The following MLLT3 variants were observed in gnomAD, a reference collection of about 807,000 sequenced individuals.
MLLT3 encodes MLLT3 super elongation complex subunit.
In MLLT3, 4 loss-of-function variants were observed where a neutral mutation model predicts 53.2. That is an observed-to-expected ratio of 0.08 (90% CI 0.04 to 0.17). MLLT3 has a LOEUF of 0.17. Among genes scored for constraint, MLLT3 ranks in the 10% least tolerant of loss-of-function variants. MLLT3 has a pLI of 1.00. For missense variants in MLLT3, 569 were observed against 684.0 expected (o/e 0.83, Z 1.87); for synonymous variants, 283 against 230.6 (o/e 1.23, Z -2.06).
At chr9:20,470,595 C>T (rs1824366454) in intron 2 of MLLT3, among the ~76,000 whole-genome samples, 1 of 151,940 alleles carries the variant, frequency 6.6e-6, no homozygotes, top group South Asian at 2.1e-4. Flanking sequence ...CTTTACCTAC[C>T]TTATCAATTC....
intron 2 of MLLT3, among the ~76,000 whole-genome samples, chr9:20,549,942 C>T (rs1000488761): frequency 6.6e-6 from 1 of 152,206 alleles, no homozygotes; most frequent in African/African-American, 2.4e-5. Flanking sequence ...CTCCCCTCTG[C>T]ACCTCAAGAA....
At chr9:20,359,163 AAAAAAAAAAAAAT>A (rs1346877860) in intron 8 of MLLT3, among the ~76,000 whole-genome samples, 3 of 151,012 alleles carry the variant, frequency 2.0e-5, no homozygotes, top group African/African-American at 7.3e-5. Context: ...AAAAAAAAAA[AAAAAAAAAAAAAT>A]CTCACCAAGG....
chr9:20,522,961 T>TA (rs1818104064), intron 2 of MLLT3, among the ~76,000 whole-genome samples: 1 of 151,046 alleles, frequency 6.6e-6, no homozygotes, highest in Non-Finnish European at 1.5e-5. Flanking sequence ...GACCCTGTCT[T>TA]AAAAAATAAA....
At chr9:20,388,705 A>T (rs562013087) in intron 5 of MLLT3, among the ~76,000 whole-genome samples, 1 of 152,298 alleles carries the variant, frequency 6.6e-6, no homozygotes, top group East Asian at 1.9e-4. Context: ...ATTCCAAAAG[A>T]TGGGATCCTT....
chr9:20,455,927 C>CTT (rs780438955), intron 3 of MLLT3, among the ~76,000 whole-genome samples: 366 of 116,766 alleles, frequency 3.1e-3, no homozygotes, highest in African/African-American at 8.2e-3. Context: ...CTGCTAAAAA[C>CTT]TTTTTTTTTT....
chr9:20,431,905 TA>T lies in MLLT3; in HGVS notation c.420+16217del, dbSNP rs1246922188. The stretch of plus-strand genomic sequence containing the variant: ...TACTATTATACCATTTTCATAACAA[TA>T]AAAAATAAGCAAAGATGAGCAAACA... On this transcript the variant is annotated intron_variant, in intron 4 of 10. Transcript: ENST00000380338. Among the ~76,000 whole-genome samples, 5 of 151,898 alleles carry T rather than the reference TA, an allele frequency of 3.3e-5. No individual in the cohort carries two copies. In the East Asian group the frequency reaches 9.6e-4, roughly 29 times the overall value.
chr9:20,401,915 T>A (rs968713205), intron 5 of MLLT3, among the ~76,000 whole-genome samples: 1 of 152,226 alleles, frequency 6.6e-6, no homozygotes, highest in African/African-American at 2.4e-5. Context: ...GGGTATCTGT[T>A]CTGTTTCAAG....
intron 6 of MLLT3, among the ~76,000 whole-genome samples, chr9:20,364,403 T>C (rs1443935809): frequency 6.6e-6 from 1 of 152,244 alleles, no homozygotes; most frequent in Non-Finnish European, 1.5e-5. Context: ...GTGGCTTATT[T>C]TCACTTTACT....
chr9:20,346,300 G>T lies in MLLT3; in HGVS notation c.*143C>A. The stretch of plus-strand genomic sequence containing the variant: ...TTAAAGAAAAATAAAGCTGAAGGTT[G>T]TTTGATTTTTATTTTTTCCCTTTTG... On this transcript the variant is annotated 3_prime_UTR_variant, in exon 11 of 11. Transcript: ENST00000380338. 1 of 867,556 alleles carries T rather than the reference G, an allele frequency of 1.2e-6. No individual in the cohort carries two copies. The highest frequency in any genetic ancestry group is 1.6e-6 in the Non-Finnish European group (1 of 607,668). 53.7% of individuals were successfully genotyped at this position (867,556 alleles called of 1,614,324 possible). A position where few individuals can be genotyped will look rare whatever the true frequency, so the allele number is the denominator to read the frequency against.
intron 2 of MLLT3, among the ~76,000 whole-genome samples, chr9:20,466,761 CAT>C (rs2118880254): frequency 6.6e-6 from 1 of 152,250 alleles, no homozygotes; most frequent in Non-Finnish European, 1.5e-5. Context: ...AGAGCACAAA[CAT>C]AAATGAAAGA....
rs75239019 is a variant in MLLT3 at position 20,502,099 on chromosome 9, G to T, written c.194-45313C>A. On this transcript the variant is annotated intron_variant, in intron 2 of 10. Coordinates refer to ENST00000380338, the MANE Select transcript of MLLT3 (RefSeq NM_004529.4). ...TCCATCTCAAAAAAAAAAAAGGGGG[G>T]GGGGGGGACTACCTTTTAAGGAAAA... Among the ~76,000 whole-genome samples, 16 of 91,598 alleles carry T rather than the reference G, an allele frequency of 1.7e-4. 1 individual carries two copies. In the East Asian group the frequency reaches 3.4e-3, roughly 20 times the overall value. The allele number at this position is 91,598 out of a possible 152,430, so 60.1% of individuals were successfully genotyped here.
At chr9:20,589,299 T>C (rs1217919940) in intron 2 of MLLT3, among the ~76,000 whole-genome samples, 9 of 151,662 alleles carry the variant, frequency 5.9e-5, no homozygotes, top group Admixed American at 2.0e-4. Flanking sequence ...ATGGAGGAAA[T>C]TGGAAACCAT....
chr9:20,407,535 T>A (rs16938056), intron 5 of MLLT3, among the ~76,000 whole-genome samples: 2,551 of 152,184 alleles, frequency 0.017, 60 homozygotes, highest in African/African-American at 0.058. Flanking sequence ...GGGGACAACA[T>A]GAGATATTCA....
chr9:20,593,360 T>C (rs79853307), intron 2 of MLLT3, among the ~76,000 whole-genome samples: 2,494 of 152,234 alleles, frequency 0.016, 77 homozygotes, highest in East Asian at 0.14. Flanking sequence ...TTATAGATAT[T>C]TGAGGGCAGA....
chr9:20,362,657 A>C (rs1821353114), intron 7 of MLLT3: 1 of 150,770 alleles, frequency 6.6e-6, no homozygotes, highest in African/African-American at 2.5e-5. Context: ...CAGAGGACAA[A>C]GCATTGGCAA....
intron 2 of MLLT3, among the ~76,000 whole-genome samples, chr9:20,566,458 T>C (rs1182667856): frequency 6.6e-6 from 1 of 151,854 alleles, no homozygotes; most frequent in African/African-American, 2.4e-5. Context: ...TAAAACAGAG[T>C]CCTCTCCTCT....
intron 2 of MLLT3, among the ~76,000 whole-genome samples, chr9:20,535,415 C>G (rs931259445): frequency 3.2e-4 from 48 of 152,048 alleles, no homozygotes; most frequent in Non-Finnish European, 1.5e-4. Flanking sequence ...AAAAGAAGTA[C>G]AGCAGCACCA....
intron 2 of MLLT3, among the ~76,000 whole-genome samples, chr9:20,525,853 C>T (rs1818186716): frequency 6.6e-6 from 1 of 152,134 alleles, no homozygotes; most frequent in African/African-American, 2.4e-5. Flanking sequence ...TGAAGCCTGA[C>T]CCTCTAAATT....
chr9:20,425,288 T>C (rs1371069496), intron 4 of MLLT3, among the ~76,000 whole-genome samples: 1 of 152,166 alleles, frequency 6.6e-6, no homozygotes, highest in Non-Finnish European at 1.5e-5. Context: ...CAGCATAGCA[T>C]ATAGTTAGGA....
Sources: gnomAD v4.1 joint callset for allele counts (sites outside exome capture counted in the v4.1 genomes callset) on GRCh38, gnomAD v4.1.1 for gene constraint, MANE v1.5 for transcripts, NCBI Gene and HGNC (gene_info 2026-07-23, HGNC 2026-07-21) for gene names.